Variants in MANEA observed in about 807,000 individuals in gnomAD.
The protein encoded by MANEA is mannosidase endo-alpha.
Under a neutral mutation model 36.8 loss-of-function variants are expected in MANEA, and 25 were observed. The ratio of observed to expected loss-of-function variants is 0.68; its 90% confidence interval spans 0.50 to 0.95. The LOEUF (loss-of-function observed/expected upper bound fraction) is 0.95, where lower values mean the gene tolerates loss of function less well. Ranked by LOEUF, MANEA falls within the 40% of genes least tolerant of loss-of-function variation. The pLI is 0.00. For missense variants in MANEA, 565 were observed against 558.8 expected (o/e 1.01, Z -0.11); for synonymous variants, 198 against 188.5 (o/e 1.05, Z -0.41).
At chr6:95,582,886 C>T (rs924101339) in intron 1 of MANEA, among the ~76,000 whole-genome samples, 2 of 152,062 alleles carry the variant, frequency 1.3e-5, no homozygotes, top group African/African-American at 4.8e-5. Context: ...CATGGTTCCT[C>T]GTGATTAGAT....
chr6:95,596,378 T>C (rs980613150), intron 2 of MANEA, among the ~76,000 whole-genome samples: 3 of 152,120 alleles, frequency 2.0e-5, no homozygotes, highest in Admixed American at 6.5e-5. Context: ...TATTGGGTCA[T>C]CAATTGTAGC....
In MANEA at chr6:95,604,873, T is replaced by C. The variant is rs772400281; in HGVS notation, c.701T>C (p.Met234Thr). 77 of 1,473,652 alleles carry C rather than the reference T, an allele frequency of 5.2e-5. No homozygotes were observed. Among genetic ancestry groups the C allele is most frequent in the Non-Finnish European group, 6.4e-5 (70 of 1,088,036 alleles). The allele number at this position is 1,473,652 out of a possible 1,614,324, so 91.3% of individuals were successfully genotyped here. ...EPYSNRDDQN[M>T]YKNVKYIIDK... ...TATAGCAATCGAGATGATCAAAACA[T>C]GTACAAAAATGTCAAGTATATTATA... The change falls in exon 4 of 5, where the codon ATG (methionine) becomes ACG (threonine). Residue 234 changes from methionine (M) to threonine (T), a missense_variant. Physicochemically the swap from Met to Thr is moderately conservative, Grantham distance 81. Coordinates refer to ENST00000358812, the MANE Select transcript of MANEA (RefSeq NM_024641.4).
chr6:95,582,759 G>A (rs985551223), intron 1 of MANEA, among the ~76,000 whole-genome samples: 6 of 152,068 alleles, frequency 3.9e-5, no homozygotes, highest in East Asian at 3.9e-4. Flanking sequence ...CTTATTATAC[G>A]TTGCATTGTA....
At chr6:95,584,378 G>T (rs1769239731) in intron 1 of MANEA, among the ~76,000 whole-genome samples, 1 of 152,158 alleles carries the variant, frequency 6.6e-6, no homozygotes, top group South Asian at 2.1e-4. Flanking sequence ...CCTAGGAAAA[G>T]AATTGCATTC....
chr6:95,604,488 G>A (rs551071177), intron 3 of MANEA, among the ~76,000 whole-genome samples: 1 of 151,978 alleles, frequency 6.6e-6, no homozygotes, highest in Non-Finnish European at 1.5e-5. Flanking sequence ...ATTTGAACTC[G>A]GAATTCAGAT....
intron 3 of MANEA, among the ~76,000 whole-genome samples, chr6:95,597,202 AAAAT>A (rs1769498073): frequency 6.6e-6 from 1 of 152,056 alleles, no homozygotes; most frequent in Non-Finnish European, 1.5e-5. Flanking sequence ...AAGTAGTTAA[AAAAT>A]AAACTTGCTC....
At chr6:95,588,945 A>AT (rs965604172) in intron 2 of MANEA, among the ~76,000 whole-genome samples, 2 of 151,826 alleles carry the variant, frequency 1.3e-5, no homozygotes, top group African/African-American at 4.8e-5. Context: ...TCCCTGTATA[A>AT]TATTTTAGTA....
At chr6:95,582,815 A>T (rs888538878) in intron 1 of MANEA, among the ~76,000 whole-genome samples, 4 of 152,224 alleles carry the variant, frequency 2.6e-5, no homozygotes, top group South Asian at 4.1e-4. Context: ...TGGTGTACAT[A>T]TATGTATGAA....
chr6:95,588,732 A>G (rs1477564019), intron 2 of MANEA, among the ~76,000 whole-genome samples: 1 of 151,830 alleles, frequency 6.6e-6, no homozygotes, highest in Non-Finnish European at 1.5e-5. Flanking sequence ...ATAGTATACA[A>G]TGAGGGTTTT....
rs67335804 is a variant in MANEA at position 95,601,716 on chromosome 6, A to ATTTTTTTTTTTTTTTTTTTT, written c.655-3102_655-3083dup. On this transcript the variant is annotated intron_variant, in intron 3 of 4. Coordinates refer to ENST00000358812, the MANE Select transcript of MANEA (RefSeq NM_024641.4). Reference sequence around the variant, plus strand: ...AAAAGAAAATTAGGCAGATTCAGTGATTTTTTTTTTTTTTTTTTTTTTTTT... The same window carrying ATTTTTTTTTTTTTTTTTTTT: ...AAAAGAAAATTAGGCAGATTCAGTGATTTTTTTTTTTTTTTTTTTTTTTTTTTTTTTTTTTTTTTTTTTTT... Among the ~76,000 whole-genome samples, 78 of 64,992 alleles carry ATTTTTTTTTTTTTTTTTTTT rather than the reference A, an allele frequency of 1.2e-3. 4 individuals are homozygous for ATTTTTTTTTTTTTTTTTTTT. The highest frequency in any genetic ancestry group is 1.5e-3 in the Non-Finnish European group (57 of 37,294). The allele number at this position is 64,992 out of a possible 152,430, so 42.6% of individuals were successfully genotyped here. A position where few individuals can be genotyped will look rare whatever the true frequency, so the allele number is the denominator to read the frequency against.
chr6:95,596,903 G>A (rs2127943025), intron 3 of MANEA, 57 bp downstream of exon 3: 2 of 765,340 alleles, frequency 2.6e-6, no homozygotes, highest in South Asian at 2.2e-5. Context: ...CAAGAGGAGA[G>A]TAATAACAAT....
At chr6:95,591,073 C>T (rs938159536) in intron 2 of MANEA, among the ~76,000 whole-genome samples, 6 of 152,082 alleles carry the variant, frequency 3.9e-5, no homozygotes, top group Non-Finnish European at 5.9e-5. Flanking sequence ...AAGATTTGGC[C>T]GATGGGTCAT....
At chr6:95,585,983 T>A (rs1769272597) in intron 1 of MANEA, among the ~76,000 whole-genome samples, 1 of 152,194 alleles carries the variant, frequency 6.6e-6, no homozygotes, top group Admixed American at 6.5e-5. Flanking sequence ...GTCAACATAG[T>A]GAGACCTTGT....
chr6:95,578,659 CACA>C (rs1470495389), intron 1 of MANEA, among the ~76,000 whole-genome samples: 1 of 152,206 alleles, frequency 6.6e-6, no homozygotes, highest in African/African-American at 2.4e-5. Context: ...AACAAAAAAT[CACA>C]ACAATGAAAA....
intron 2 of MANEA, among the ~76,000 whole-genome samples, chr6:95,591,173 T>A (rs1769379565): frequency 6.6e-6 from 1 of 152,218 alleles, no homozygotes; most frequent in Admixed American, 6.5e-5. Context: ...TTTCTACTGT[T>A]CCCCATCCAT....
chr6:95,585,248 A>G (rs77576093), intron 1 of MANEA, among the ~76,000 whole-genome samples: 2,347 of 152,262 alleles, frequency 0.015, 57 homozygotes, highest in African/African-American at 0.053. Context: ...CACATATAAT[A>G]CCCTTTCAGA....
At chr6:95,578,227 G>C (rs1230323022) in intron 1 of MANEA, among the ~76,000 whole-genome samples, 1 of 152,174 alleles carries the variant, frequency 6.6e-6, no homozygotes, top group East Asian at 1.9e-4. Flanking sequence ...TAGACTCTTA[G>C]CCTTTGCTAA....
At chr6:95,600,009 C>A (rs1232223131) in intron 3 of MANEA, among the ~76,000 whole-genome samples, 1 of 152,130 alleles carries the variant, frequency 6.6e-6, no homozygotes, top group Non-Finnish European at 1.5e-5. Flanking sequence ...CTGCCAAAAT[C>A]CTGGAAGATG....
Position 95,601,716 on chromosome 6 carries a change from A to ATTTTTTTTTTTTTTTTTTTTTTTTTTTT in MANEA, c.655-3110_655-3083dup, listed in dbSNP as rs67335804. On this transcript the variant is annotated intron_variant, in intron 3 of 4. Coordinates refer to ENST00000358812, the MANE Select transcript of MANEA (RefSeq NM_024641.4). ...AAAAGAAAATTAGGCAGATTCAGTG[A>ATTTTTTTTTTTTTTTTTTTTTTTTTTTT]TTTTTTTTTTTTTTTTTTTTTTTTT... Among the ~76,000 whole-genome samples the ATTTTTTTTTTTTTTTTTTTTTTTTTTTT allele has an allele frequency of 6.9e-4, 45 of 64,990 alleles. 4 individuals carry two copies. The highest frequency in any genetic ancestry group is 8.2e-4 in the African/African-American group (13 of 15,770). The allele number at this position is 64,990 out of a possible 152,430, so 42.6% of individuals were successfully genotyped here. A position where few individuals can be genotyped will look rare whatever the true frequency, so the allele number is the denominator to read the frequency against.
Sources: gnomAD v4.1 joint callset for allele counts (sites outside exome capture counted in the v4.1 genomes callset) on GRCh38, gnomAD v4.1.1 for gene constraint, MANE v1.5 for transcripts, NCBI Gene and HGNC (gene_info 2026-07-23, HGNC 2026-07-21) for gene names.